Variants in SLC35F1 observed in about 807,000 individuals in gnomAD.
SLC35F1 encodes chromosome 6 open reading frame 169.
Under a neutral mutation model 48.7 loss-of-function variants are expected in SLC35F1, and 14 were observed. The ratio of observed to expected loss-of-function variants is 0.29; its 90% CI spans 0.19 to 0.45. SLC35F1 has a LOEUF of 0.45. Among genes scored for constraint, SLC35F1 ranks in the 20% least tolerant of loss-of-function variants. SLC35F1 has a pLI of 1.00. For missense variants in SLC35F1, 404 were observed against 500.0 expected, an observed-to-expected ratio of 0.81 and a Z score of 1.83; for synonymous variants, 190 against 202.2, an observed-to-expected ratio of 0.94 and a Z score of 0.51.
intron 7 of SLC35F1, among the ~76,000 whole-genome samples, chr6:118,287,163 T>A (rs1776061418): frequency 6.6e-6 from 1 of 152,180 alleles, no homozygotes; most frequent in Non-Finnish European, 1.5e-5. Flanking sequence ...CTCGTGCTGC[T>A]CCTAACCAGT....
chr6:118,201,286 A>AG (rs1189578043), intron 2 of SLC35F1, among the ~76,000 whole-genome samples: 1 of 152,138 alleles, frequency 6.6e-6, no homozygotes, highest in Non-Finnish European at 1.5e-5. Flanking sequence ...CCCAATTGTA[A>AG]GGGGGGCTAA....
At chr6:118,238,316 G>C (rs1222910103) in intron 3 of SLC35F1, among the ~76,000 whole-genome samples, 2 of 151,984 alleles carry the variant, frequency 1.3e-5, no homozygotes, top group Non-Finnish European at 2.9e-5. Context: ...ATACAGTTGT[G>C]CACCTCTGTA....
chr6:117,983,867 A>G (rs1373662984), intron 1 of SLC35F1, among the ~76,000 whole-genome samples: 3 of 152,172 alleles, frequency 2.0e-5, no homozygotes, highest in African/African-American at 7.2e-5. Flanking sequence ...ATGTAGGTGA[A>G]TCTAAACTCG....
chr6:118,283,688 ATCACAGATTTC>A (rs1259510850), intron 6 of SLC35F1, among the ~76,000 whole-genome samples: 1 of 152,210 alleles, frequency 6.6e-6, no homozygotes, highest in Non-Finnish European at 1.5e-5. Context: ...TAGTCTGTTA[ATCACAGATTTC>A]TTTAAGGAGT....
At chr6:117,961,973 A>G (rs1034831590) in intron 1 of SLC35F1, among the ~76,000 whole-genome samples, 10 of 152,216 alleles carry the variant, frequency 6.6e-5, no homozygotes, top group South Asian at 6.2e-4. Flanking sequence ...CATAGAATAA[A>G]TACCCATAGT....
intron 1 of SLC35F1, among the ~76,000 whole-genome samples, chr6:118,011,097 G>T (rs1777239766): frequency 1.3e-5 from 2 of 152,164 alleles, no homozygotes; most frequent in Admixed American, 1.3e-4. Flanking sequence ...ACTAGGGACA[G>T]TTTTGTGGTA....
chr6:117,966,131 G>GGCCCCCCCC (rs1184701438), intron 1 of SLC35F1, among the ~76,000 whole-genome samples: 1 of 101,100 alleles, frequency 9.9e-6, no homozygotes, highest in Non-Finnish European at 2.0e-5. Context: ...GCAGGCCACC[G>GGCCCCCCCC]CCCCCCCCCC....
rs774874338 is a variant in SLC35F1 at position 117,907,764 on chromosome 6, C to T, written c.38C>T (p.Pro13Leu). 4.5e-6 allele frequency: 7 copies of T among 1,559,956 alleles called. No homozygotes were observed. The African/African-American group carries it at 9.9e-5, about 22-fold the overall frequency. Residue 13 changes from proline to leucine, a missense_variant, in exon 1 of 8, where the codon CCG (proline) becomes CTG (leucine). Coordinates refer to ENST00000360388, the MANE Select transcript of SLC35F1 (RefSeq NM_001029858.4). ...GAGCAGCCGCAGCAGCAGCTGCAGCCGCCGTCGCCAGCCCCGCCGAACCAT... is the reference window on the plus strand; with the variant it reads ...GAGCAGCCGCAGCAGCAGCTGCAGCTGCCGTCGCCAGCCCCGCCGAACCAT... ...PPEQPQQQLQPPSPAPPNHVV... is the reference protein window; with the variant it reads ...PPEQPQQQLQLPSPAPPNHVV...
intron 1 of SLC35F1, among the ~76,000 whole-genome samples, chr6:117,958,508 C>G (rs544845638): frequency 2.8e-4 from 43 of 152,208 alleles, no homozygotes; most frequent in African/African-American, 1.0e-3. Flanking sequence ...ACAAATGTAC[C>G]ATTTTTTGTC....
chr6:118,070,388 ATCT>A (rs1197348122), intron 1 of SLC35F1, among the ~76,000 whole-genome samples: 4 of 152,158 alleles, frequency 2.6e-5, no homozygotes, highest in African/African-American at 9.7e-5. Flanking sequence ...GAGCACATAA[ATCT>A]TCTGTCAAGG....
At chr6:118,264,717 T>C (rs1306642352) in intron 3 of SLC35F1, among the ~76,000 whole-genome samples, 3 of 152,136 alleles carry the variant, frequency 2.0e-5, no homozygotes, top group Non-Finnish European at 4.4e-5. Context: ...TTCTGTAGTG[T>C]GCAGCTAAAT....
chr6:118,006,890 G>T (rs1777180867), intron 1 of SLC35F1, among the ~76,000 whole-genome samples: 1 of 151,996 alleles, frequency 6.6e-6, no homozygotes, highest in South Asian at 2.1e-4. Context: ...TTACACACAT[G>T]CTACATGTGT....
Position 118,285,220 on chromosome 6 carries a change from G to A in SLC35F1, c.884G>A (p.Gly295Asp), listed in dbSNP as rs1776034854. 1 of 1,613,884 alleles carries A rather than the reference G, an allele frequency of 6.2e-7. No homozygotes were observed. The highest frequency in any genetic ancestry group is 8.5e-7 in the Non-Finnish European group (1 of 1,179,868). The change falls in exon 7 of 8, where the codon GGT becomes GAT. Residue 295 changes from glycine to aspartate, a missense_variant. This residue lies in a region of SLC35F1 where 306 missense variants were observed against 419.1 expected (regional missense o/e 0.73). Transcript: ENST00000360388. ...GTTGGCTTTAGTGCCTGCATGTTTG[G>A]TCTCTACAGCTTTATGCCAGTCGTC... ...LYVGFSACMF[G>D]LYSFMPVVIK...
chr6:117,984,185 T>C (rs1475781998), intron 1 of SLC35F1, among the ~76,000 whole-genome samples: 1 of 152,196 alleles, frequency 6.6e-6, no homozygotes, highest in African/African-American at 2.4e-5. Context: ...GAGTTTATTG[T>C]GGAGCAGACT....
At chr6:118,158,029 C>A (rs1225745510) in intron 2 of SLC35F1, among the ~76,000 whole-genome samples, 1 of 152,088 alleles carries the variant, frequency 6.6e-6, no homozygotes, top group African/African-American at 2.4e-5. Context: ...AATTTGGAGG[C>A]TCTTTAGAAA....
chr6:118,310,512 T>A (rs140175647), intron 7 of SLC35F1, among the ~76,000 whole-genome samples: 1 of 152,308 alleles, frequency 6.6e-6, no homozygotes, highest in African/African-American at 2.4e-5. Flanking sequence ...AAACTTTTTT[T>A]ACTTTTTTTT....
At chr6:118,071,538 T>C (rs559677911) in intron 1 of SLC35F1, among the ~76,000 whole-genome samples, 1 of 152,200 alleles carries the variant, frequency 6.6e-6, no homozygotes, top group East Asian at 1.9e-4. Flanking sequence ...TTGGATTGTA[T>C]CCAGGAATCA....
chr6:117,967,320 A>T (rs191797835), intron 1 of SLC35F1, among the ~76,000 whole-genome samples: 6 of 152,270 alleles, frequency 3.9e-5, no homozygotes, highest in African/African-American at 1.4e-4. Context: ...CATAGAAAAA[A>T]TTTTTACTAT....
intron 1 of SLC35F1, among the ~76,000 whole-genome samples, chr6:118,095,165 G>A (rs543588849): frequency 6.6e-6 from 1 of 152,320 alleles, no homozygotes; most frequent in East Asian, 1.9e-4. Flanking sequence ...ATTGGCCATT[G>A]TATTTGACAA....
Sources: gnomAD v4.1 joint callset for allele counts (sites outside exome capture counted in the v4.1 genomes callset) on GRCh38, gnomAD v4.1.1 for gene constraint, gnomAD v4.1.1 regional missense constraint, MANE v1.5 for transcripts, NCBI Gene and HGNC (gene_info 2026-07-23, HGNC 2026-07-21) for gene names.